The following HHIPL2 variants were observed in gnomAD, a reference collection of about 807,000 sequenced individuals.
HHIPL2 encodes HHIP-like protein 2.
Under a neutral mutation model 61.0 loss-of-function variants are expected in HHIPL2, and 61 were observed. That is an observed-to-expected ratio of 1.00 (90% CI 0.81 to 1.24). The LOEUF is 1.24. HHIPL2 is among the 50% of genes most tolerant of loss of function. The probability of loss-of-function intolerance (pLI) is 0.00; values close to 1 mark genes in which losing one functional copy is unlikely to be tolerated. For missense variants in HHIPL2, 885 were observed against 910.2 expected (o/e 0.97, Z 0.36); for synonymous variants, 343 against 357.4 (o/e 0.96, Z 0.45).
At chr1:222,523,019 G>A (rs1486921911) in intron 8 of HHIPL2, 132 bp from the exon 9 acceptor site, 11 of 747,476 alleles carry the variant, frequency 1.5e-5, no homozygotes, top group Non-Finnish European at 1.8e-5. Flanking sequence ...AACTGGCCTT[G>A]GTCTAAATAT....
Position 222,525,123 on chromosome 1 carries a change from C to A in HHIPL2, c.1806-1429G>T, listed in dbSNP as rs1306479209. ...AAAGGTGAATAAGTAAGGATGTCTTCAGTGTGAAAATGCTTTATGGGTGCT... is the reference window on the plus strand; with the variant it reads ...AAAGGTGAATAAGTAAGGATGTCTTAAGTGTGAAAATGCTTTATGGGTGCT... On this transcript the variant is annotated intron_variant, in intron 7 of 8. Transcript: ENST00000343410. 2.0e-5 allele frequency: 3 copies of A among 152,136 alleles called. No individual in the cohort carries two copies. In the East Asian group the frequency reaches 5.8e-4, roughly 29 times the overall value. 9.4% of individuals were successfully genotyped at this position (152,136 alleles called of 1,614,324 possible).
chr1:222,526,990 T>C lies in HHIPL2; in HGVS notation c.1784A>G (p.Tyr595Cys). 1 of 1,613,456 alleles carries C rather than the reference T, an allele frequency of 6.2e-7. No homozygotes were observed. The highest frequency in any genetic ancestry group is 8.5e-7 in the Non-Finnish European group (1 of 1,179,734). The part of the protein sequence containing the change: ...PSAYAPRGSI[Y>C]KFVDPSRRAP... ...TCACCTTGAGGGGTCAACAAACTTG[T>C]AAATAGATCCACGTGGTGCATAGGC... The change falls in exon 7 of 9, where the codon TAC becomes TGC. Residue 595 changes from tyrosine (Y) to cysteine (C), a missense_variant. Tyr to Cys is a radical substitution (Grantham distance 194). Coordinates refer to ENST00000343410, the MANE Select transcript of HHIPL2 (RefSeq NM_024746.4).
chr1:222,530,107 T>C (rs529298494), intron 6 of HHIPL2, among the ~76,000 whole-genome samples: 1 of 152,264 alleles, frequency 6.6e-6, no homozygotes, highest in South Asian at 2.1e-4. Context: ...TTGGCAAGTC[T>C]ACCCCATGAA....
chr1:222,528,029 G>C (rs1659106940), intron 6 of HHIPL2, among the ~76,000 whole-genome samples: 1 of 152,096 alleles, frequency 6.6e-6, no homozygotes, highest in Non-Finnish European at 1.5e-5. Flanking sequence ...AGAGCCCCCT[G>C]CTCCTTACCA....
intron 6 of HHIPL2, among the ~76,000 whole-genome samples, chr1:222,529,335 T>G (rs1309004150): frequency 6.6e-6 from 1 of 152,198 alleles, no homozygotes; most frequent in Non-Finnish European, 1.5e-5. Context: ...TTTGTCTGAA[T>G]GGGAAGCCCA....
intron 7 of HHIPL2, among the ~76,000 whole-genome samples, chr1:222,526,335 A>G (rs1396411313): frequency 2.0e-5 from 3 of 152,090 alleles, no homozygotes; most frequent in African/African-American, 7.2e-5. Context: ...ACAGGGGAGC[A>G]GTACTTACTC....
intron 6 of HHIPL2, among the ~76,000 whole-genome samples, chr1:222,531,003 G>A (rs953091183): frequency 2.0e-5 from 3 of 151,816 alleles, no homozygotes; most frequent in Admixed American, 6.6e-5. Flanking sequence ...GTTAAAAATC[G>A]GCTTTCTGAT....
chr1:222,543,643 A>C lies in HHIPL2; in HGVS notation c.868T>G (p.Tyr290Asp). 6.2e-7 allele frequency: 1 copy of C among 1,614,154 alleles called. No homozygotes were observed. Among genetic ancestry groups the C allele is most frequent in the Middle Eastern group, 1.6e-4 (1 of 6,062 alleles). Residue 290 changes from tyrosine (Y) to aspartate (D), a missense_variant, in exon 2 of 9, where the codon TAT (tyrosine) becomes GAT (aspartate). Coordinates refer to ENST00000343410, the MANE Select transcript of HHIPL2 (RefSeq NM_024746.4). ...HPKFRHNRKF[Y>D]IYYSCLDKKK... ...TTGTCCAGGCACGAATAATAAATAT[A>C]GAACTTGCGATTGTGGCGGAATTTG...
chr1:222,538,195 GGTGTGTGTGTGTGTGTGTGT>G (rs373452655), intron 5 of HHIPL2, among the ~76,000 whole-genome samples: 16,068 of 136,374 alleles, frequency 0.12, 1,430 homozygotes, highest in African/African-American at 0.26. Flanking sequence ...CTCTGGCTGG[GGTGTGTGTGTGTGTGTGTGT>G]GTGTGTGTGT....
intron 4 of HHIPL2, among the ~76,000 whole-genome samples, 196 bp downstream of exon 4, chr1:222,539,814 T>A (rs1659389531): frequency 6.6e-6 from 1 of 152,154 alleles, no homozygotes; most frequent in Non-Finnish European, 1.5e-5. Flanking sequence ...TTCACTTTTT[T>A]AAAATAGCCA....
chr1:222,533,949 T>C (rs927096695), intron 5 of HHIPL2, among the ~76,000 whole-genome samples: 1 of 152,152 alleles, frequency 6.6e-6, no homozygotes, highest in East Asian at 1.9e-4. Flanking sequence ...ATCATCAGTA[T>C]ACTCAACAGC....
chr1:222,539,327 C>T (rs1403259802), intron 4 of HHIPL2, among the ~76,000 whole-genome samples: 2 of 151,678 alleles, frequency 1.3e-5, no homozygotes, highest in Admixed American at 6.6e-5. Context: ...GTCAGGAGAT[C>T]GAGACCATCC....
intron 6 of HHIPL2, among the ~76,000 whole-genome samples, chr1:222,527,654 C>T (rs752745735): frequency 2.7e-4 from 41 of 152,208 alleles, no homozygotes; most frequent in South Asian, 6.2e-4. Context: ...TGTCCCCACC[C>T]AAATCTCATC....
chr1:222,532,147 A>G, intron 5 of HHIPL2, 36 bp from the exon 6 acceptor site: 1 of 1,582,894 alleles, frequency 6.3e-7, no homozygotes, highest in Non-Finnish European at 8.6e-7. Context: ...TTAGGAATCC[A>G]TATATCCACT....
In HHIPL2 at chr1:222,522,389, T is replaced by C; in HGVS notation, c.*212A>G. On this transcript the variant is annotated 3_prime_UTR_variant, in exon 9 of 9. Coordinates refer to ENST00000343410, the MANE Select transcript of HHIPL2 (RefSeq NM_024746.4). ...CCATAACCCAGGTGCACCAGCAATCTGGGATATGGTCTCCCACAGAAGCAC... is the reference window on the plus strand; with the variant it reads ...CCATAACCCAGGTGCACCAGCAATCCGGGATATGGTCTCCCACAGAAGCAC... 1 of 593,060 alleles carries C rather than the reference T, an allele frequency of 1.7e-6. No homozygotes were observed. The highest frequency in any genetic ancestry group is 2.2e-5 in the South Asian group (1 of 45,318). 36.7% of individuals were successfully genotyped at this position (593,060 alleles called of 1,614,324 possible). A position where few individuals can be genotyped will look rare whatever the true frequency, so the allele number is the denominator to read the frequency against.
intron 5 of HHIPL2, among the ~76,000 whole-genome samples, chr1:222,538,246 G>GTGTGTGTGTT (rs1196912536): frequency 8.0e-6 from 1 of 125,742 alleles, no homozygotes; most frequent in Non-Finnish European, 1.7e-5. Flanking sequence ...GTGTGTGTGT[G>GTGTGTGTGTT]TGTATGTATG....
chr1:222,545,801 G>C (rs916086397), intron 1 of HHIPL2, among the ~76,000 whole-genome samples: 8 of 151,778 alleles, frequency 5.3e-5, no homozygotes, highest in Non-Finnish European at 1.2e-4. Flanking sequence ...GAGGATGAGG[G>C]GGGCAGATCA....
chr1:222,540,314 C>T lies in HHIPL2; in HGVS notation c.1146G>A (p.Arg382=). The T allele has an allele frequency of 6.2e-7, 1 of 1,607,182 alleles. No individual in the cohort carries two copies. Among genetic ancestry groups the T allele is most frequent in the East Asian group, 2.2e-5 (1 of 44,760 alleles). ...GTGAGCCTGCCCTGTTCACATCGAT[C>T]CTTAAAACTTTTCCCAGCAGGGAAC... ...NKSSLLGKVL[R]IDVNRAGSHG... Residue 382 remains arginine (R), a synonymous_variant, in exon 4 of 9, where the codon AGG becomes AGA. Coordinates refer to ENST00000343410, the MANE Select transcript of HHIPL2 (RefSeq NM_024746.4).
At chr1:222,539,754 C>T (rs948941507) in intron 4 of HHIPL2, among the ~76,000 whole-genome samples, 16 of 152,204 alleles carry the variant, frequency 1.1e-4, no homozygotes, top group Middle Eastern at 3.4e-3. Flanking sequence ...TCTCATGTCT[C>T]CAATCCACCC....
Sources: gnomAD v4.1 joint callset for allele counts (sites outside exome capture counted in the v4.1 genomes callset) on GRCh38, gnomAD v4.1.1 for gene constraint, MANE v1.5 for transcripts, NCBI Gene and HGNC (gene_info 2026-07-23, HGNC 2026-07-21) for gene names.